KCNIP1: variants seen among roughly 807,000 people sequenced by gnomAD.
The protein encoded by KCNIP1 is potassium voltage-gated channel interacting protein 1, also known as A-type potassium channel modulatory protein KCNIP1.
In KCNIP1, 18 loss-of-function variants were observed where a neutral mutation model predicts 33.0. The ratio of observed to expected loss-of-function variants is 0.55; its 90% CI spans 0.38 to 0.81. The LOEUF (loss-of-function observed/expected upper bound fraction) is 0.81. Ranked by LOEUF, KCNIP1 falls within the 30% of genes least tolerant of loss-of-function variation. The probability of loss-of-function intolerance (pLI) is 0.00; values close to 1 mark genes in which losing one functional copy is unlikely to be tolerated. For missense variants in KCNIP1, 238 were observed against 271.6 expected (o/e 0.88, Z 0.87); for synonymous variants, 93 against 98.3 (o/e 0.95, Z 0.32).
chr5:170,515,861 T>A (rs535704517), intron 1 of KCNIP1, among the ~76,000 whole-genome samples: 3 of 152,186 alleles, frequency 2.0e-5, no homozygotes, highest in Admixed American at 1.3e-4. Context: ...GCTGGAGAAT[T>A]AGAGAAGATG....
chr5:170,364,092 C>T (rs1167618800), intron 1 of KCNIP1, among the ~76,000 whole-genome samples: 1 of 151,910 alleles, frequency 6.6e-6, no homozygotes, highest in Non-Finnish European at 1.5e-5. Context: ...CTTCTACCTC[C>T]TGGGCTCAAG....
At chr5:170,448,914 A>C (rs1437541280) in intron 1 of KCNIP1, among the ~76,000 whole-genome samples, 2 of 152,256 alleles carry the variant, frequency 1.3e-5, no homozygotes, top group African/African-American at 4.8e-5. Flanking sequence ...ACAGATGAGA[A>C]CACTGAGGCT....
At chr5:170,667,248 G>A (rs1470711453) in intron 1 of KCNIP1, among the ~76,000 whole-genome samples, 2 of 150,950 alleles carry the variant, frequency 1.3e-5, no homozygotes, top group Admixed American at 6.6e-5. Context: ...GGAGGCAGAA[G>A]TTGCAGTGAG....
intron 1 of KCNIP1, among the ~76,000 whole-genome samples, chr5:170,477,724 G>A (rs1435367115): frequency 2.0e-5 from 3 of 152,174 alleles, no homozygotes; most frequent in Non-Finnish European, 4.4e-5. Context: ...TTAGAGGTGT[G>A]AGTGAAAGCA....
intron 1 of KCNIP1, among the ~76,000 whole-genome samples, chr5:170,442,651 G>A (rs1756020417): frequency 6.6e-6 from 1 of 151,902 alleles, no homozygotes; most frequent in African/African-American, 2.4e-5. Context: ...AGACAATCTG[G>A]AGAAGACATC....
chr5:170,637,089 C>T (rs1358228581), intron 1 of KCNIP1, among the ~76,000 whole-genome samples: 1 of 152,156 alleles, frequency 6.6e-6, no homozygotes, highest in African/African-American at 2.4e-5. Context: ...AATCAGCAGC[C>T]TTCCATCAGA....
intron 1 of KCNIP1, among the ~76,000 whole-genome samples, chr5:170,514,541 C>A (rs960502148): frequency 6.6e-6 from 1 of 152,046 alleles, no homozygotes; most frequent in African/African-American, 2.4e-5. Context: ...CGCCCTGCCT[C>A]ACCCCACCAA....
At chr5:170,520,326 G>A (rs1042569546) in intron 1 of KCNIP1, among the ~76,000 whole-genome samples, 2 of 152,158 alleles carry the variant, frequency 1.3e-5, no homozygotes, top group Non-Finnish European at 2.9e-5. Flanking sequence ...TCAGAACCCA[G>A]GCCCGTCTGT....
rs1228023319 is a variant in KCNIP1, at chr5:170,504,332, G to T, written c.-241G>T. The T allele has an allele frequency of 2.9e-6, 4 of 1,377,210 alleles. No homozygotes were observed. The Admixed American group carries it at 1.4e-4, about 47-fold the overall frequency. The allele number at this position is 1,377,210 out of a possible 1,614,324, so 85.3% of individuals were successfully genotyped here. A position where few individuals can be genotyped will look rare whatever the true frequency, so the allele number is the denominator to read the frequency against. On this transcript the variant is annotated 5_prime_UTR_variant, in exon 1 of 8. Coordinates refer to ENST00000328939, the MANE Select transcript of KCNIP1 (RefSeq NM_014592.4). This position sits in a 1 kb window ranked among gnomAD's most constrained non-coding sequence, Gnocchi z 6.0. ...CCGCCGGGCCGGGTCCTCGCGCGGG[G>T]AAGCGGTTCCGAAGGCTCGCGGGGA...
intron 1 of KCNIP1, among the ~76,000 whole-genome samples, chr5:170,620,623 A>T (rs1759564495): frequency 6.6e-6 from 1 of 152,198 alleles, no homozygotes; most frequent in Non-Finnish European, 1.5e-5. Flanking sequence ...AGTTCCATGT[A>T]ATGGATTCTC....
At chr5:170,704,863 G>T (rs544248415) in intron 1 of KCNIP1, among the ~76,000 whole-genome samples, 4 of 152,348 alleles carry the variant, frequency 2.6e-5, no homozygotes, top group Admixed American at 2.0e-4. Context: ...TCATGGTAAT[G>T]ATGTAGACCC....
chr5:170,402,063 C>T (rs1203832201), intron 1 of KCNIP1, among the ~76,000 whole-genome samples: 1 of 152,154 alleles, frequency 6.6e-6, no homozygotes, highest in African/African-American at 2.4e-5. Context: ...TGCAGCACTC[C>T]AGGCTCTGCC....
intron 1 of KCNIP1, among the ~76,000 whole-genome samples, chr5:170,432,028 CTCTT>C (rs527686905): frequency 4.3e-4 from 64 of 150,062 alleles, no homozygotes; most frequent in Non-Finnish European, 6.5e-4. Context: ...CTGTGTCTCT[CTCTT>C]TCTCTTTTTT....
chr5:170,597,846 AAG>A (rs565473388), intron 1 of KCNIP1, among the ~76,000 whole-genome samples: 46 of 139,800 alleles, frequency 3.3e-4, no homozygotes, highest in African/African-American at 1.2e-3. Context: ...AAAGAAAGAA[AAG>A]AGAGAGAGAG....
chr5:170,422,259 C>T (rs899981831), intron 1 of KCNIP1: 1 of 152,186 alleles, frequency 6.6e-6, no homozygotes, highest in African/African-American at 2.4e-5. Flanking sequence ...GAGAAAGGAA[C>T]TTGGTTCTGG....
At chr5:170,527,298 A>G (rs1043399454) in intron 1 of KCNIP1, among the ~76,000 whole-genome samples, 1 of 152,142 alleles carries the variant, frequency 6.6e-6, no homozygotes, top group Non-Finnish European at 1.5e-5. Context: ...CCTTATTACA[A>G]AAGAGACTTG....
At chr5:170,684,621 G>C (rs1762476987) in intron 1 of KCNIP1, among the ~76,000 whole-genome samples, 1 of 152,188 alleles carries the variant, frequency 6.6e-6, no homozygotes, top group South Asian at 2.1e-4. Flanking sequence ...TAAAGGCTTA[G>C]GTCAACTTCT....
rs114168370 is a variant in KCNIP1 at position 170,474,620 on chromosome 5, C to T, written c.88+120656C>T. 2.8e-3 allele frequency among the ~76,000 whole-genome samples: 424 copies of T among 152,296 alleles called. 4 individuals are homozygous for T. Among genetic ancestry groups the T allele is most frequent in the African/African-American group, 9.1e-3 (380 of 41,552 alleles). On this transcript the variant is annotated intron_variant, in intron 1 of 7. Coordinates refer to the KCNIP1 transcript ENST00000377360. ...TGTTATTTCTGATTCCCATAGACTC[C>T]TCTAGCTTCAGTGGTATTACTTGCA...
At chr5:170,361,350 C>A (rs981366898) in intron 1 of KCNIP1, among the ~76,000 whole-genome samples, 4 of 152,224 alleles carry the variant, frequency 2.6e-5, no homozygotes, top group Admixed American at 2.6e-4. Context: ...AAGTCATTTA[C>A]TATCACCACT....
Sources: gnomAD v4.1 joint callset for allele counts (sites outside exome capture counted in the v4.1 genomes callset) on GRCh38, gnomAD v4.1.1 for gene constraint, Gnocchi (gnomAD v3.1) non-coding constraint, MANE v1.5 for transcripts, NCBI Gene and HGNC (gene_info 2026-07-23, HGNC 2026-07-21) for gene names.